The following UGT2A2 variants were observed in gnomAD, a reference collection of about 807,000 sequenced individuals.
The protein encoded by UGT2A2 is UDP glucuronosyltransferase family 2 member A2, also known as UDP-glucuronosyltransferase 2A2.
In UGT2A2, 60 loss-of-function variants were observed where a neutral mutation model predicts 50.7. The observed-to-expected ratio is 1.18, with a 90% CI of 0.96 to 1.47. UGT2A2 has a LOEUF of 1.47. Ranked by LOEUF, UGT2A2 falls within the 40% of genes most tolerant of loss-of-function variation. The pLI is 0.00. For synonymous variants in UGT2A2, 242 were observed against 214.6 expected (o/e 1.13, Z -1.11); for missense variants, 762 against 634.0 (o/e 1.20, Z -2.17).
At chr4:69,635,735 G>C in intron 1 of UGT2A2, 1 of 247,228 alleles carries the variant, frequency 4.0e-6, no homozygotes, top group Non-Finnish European at 8.3e-6. Flanking sequence ...GCTGAGGCGG[G>C]AGAATCGCTT....
intron 1 of UGT2A2, among the ~76,000 whole-genome samples, chr4:69,618,416 G>A (rs952798240): frequency 6.6e-6 from 1 of 151,894 alleles, no homozygotes; most frequent in African/African-American, 2.4e-5. Context: ...CAAGAGAAGA[G>A]ATTTAAAAAG....
intron 1 of UGT2A2, among the ~76,000 whole-genome samples, chr4:69,609,685 CACCTAT>C (rs61115115): frequency 0.4 from 59,931 of 151,398 alleles, 12,141 homozygotes; most frequent in African/African-American, 0.47. Flanking sequence ...CCTATACCCA[CACCTAT>C]ACCTATACCT....
chr4:69,639,094 A>T lies in UGT2A2; in HGVS notation c.547T>A (p.Ser183Thr). 1 of 1,613,468 alleles carries T rather than the reference A, an allele frequency of 6.2e-7. No individual in the cohort carries two copies. The highest frequency in any genetic ancestry group is 8.5e-7 in the Non-Finnish European group (1 of 1,179,684). The change falls in exon 1 of 6, where the codon TCT becomes ACT. Residue 183 changes from serine (S) to threonine (T), a missense_variant. Transcript: ENST00000604629. Reference protein sequence around the residue: ...GIPFMYTLRFSPASTVERHCG... With the variant: ...GIPFMYTLRFTPASTVERHCG... The stretch of plus-strand genomic sequence containing the variant: ...TGTCTCTCCACTGTTGATGCTGGAG[A>T]GAACCTCAATGTGTACATAAATGGA...
chr4:69,622,764 A>G (rs1390563739), intron 1 of UGT2A2, among the ~76,000 whole-genome samples: 1 of 151,838 alleles, frequency 6.6e-6, no homozygotes. Context: ...AAATCTTCAC[A>G]TGACCCATAG....
chr4:69,600,779 G>A (rs566344454), intron 1 of UGT2A2, among the ~76,000 whole-genome samples: 18 of 150,918 alleles, frequency 1.2e-4, no homozygotes, highest in Admixed American at 4.0e-4. Context: ...AGGAGCAAGA[G>A]AGAGAGTGAG....
chr4:69,622,244 A>T (rs28448316), intron 1 of UGT2A2, among the ~76,000 whole-genome samples: 53,301 of 151,622 alleles, frequency 0.35, 9,730 homozygotes, highest in African/African-American at 0.43. Context: ...AATACTTACC[A>T]AAACATATGT....
At position 69,610,015 on chromosome 4, in the gene UGT2A2, C is replaced by A. The variant is rs115830847; in HGVS notation, c.743-10621G>T. Among the ~76,000 whole-genome samples the A allele has an allele frequency of 4.3e-3, 648 of 152,128 alleles. 6 individuals carry two copies. The highest frequency in any genetic ancestry group is 0.013 in the African/African-American group (545 of 41,548). On this transcript the variant is annotated intron_variant, in intron 1 of 5. Transcript: ENST00000604629. The stretch of plus-strand genomic sequence containing the variant: ...GAGGAAATAACATATAACTAGCAGA[C>A]CTATAAAGTTTTTAAAGAGAATGTT...
At chr4:69,594,221 C>G (rs535315496) in intron 5 of UGT2A2, among the ~76,000 whole-genome samples, 52 of 152,024 alleles carry the variant, frequency 3.4e-4, no homozygotes, top group African/African-American at 1.3e-3. Flanking sequence ...TGATCTGCCA[C>G]CCTCAGCCTC....
At chr4:69,630,813 C>G (rs1721338943) in intron 1 of UGT2A2, among the ~76,000 whole-genome samples, 1 of 151,996 alleles carries the variant, frequency 6.6e-6, no homozygotes, top group African/African-American at 2.4e-5. Flanking sequence ...TCCTGATTTA[C>G]CAAGTCTCCA....
chr4:69,639,332 C>G lies in UGT2A2; in HGVS notation c.309G>C (p.Trp103Cys), dbSNP rs376044252. The change falls in exon 1 of 6, where the codon TGG (tryptophan) becomes TGC (cysteine). Residue 103 changes from tryptophan (W) to cysteine (C), a missense_variant. Coordinates refer to ENST00000604629, the MANE Select transcript of UGT2A2 (RefSeq NM_001105677.2). ...TGAGAGGAGTTGGTCTATGGTCAAT[C>G]CACAGCATTATCATATGCTCAATTA... ...DSLIEHMIMLWIDHRPTPLTI... is the reference protein window; with the variant it reads ...DSLIEHMIMLCIDHRPTPLTI... The G allele has an allele frequency of 5.6e-6, 9 of 1,613,532 alleles. No individual in the cohort carries two copies. The highest frequency in any genetic ancestry group is 1.3e-5 in the African/African-American group (1 of 74,878).
At chr4:69,611,521 G>A (rs150753410) in intron 1 of UGT2A2, among the ~76,000 whole-genome samples, 1 of 152,106 alleles carries the variant, frequency 6.6e-6, no homozygotes, top group African/African-American at 2.4e-5. Context: ...TAAATGAAGA[G>A]TAATGCTACA....
In UGT2A2 at chr4:69,589,652, C is replaced by A. The variant is rs1718478551; in HGVS notation, c.1332-1G>T. On this transcript the variant is annotated splice_acceptor_variant, in intron 5 of 5. Coordinates refer to ENST00000604629, the MANE Select transcript of UGT2A2 (RefSeq NM_001105677.2). LOFTEE classifies it high-confidence loss of function. Reference sequence around the variant, plus strand: ...TAACCTCATAGCATTCTCTTTATAACTAGAAGACAAATAAATAGGCAGAAA... The same window carrying A: ...TAACCTCATAGCATTCTCTTTATAAATAGAAGACAAATAAATAGGCAGAAA... The A allele has an allele frequency of 1.9e-6, 3 of 1,592,060 alleles. No individual in the cohort carries two copies. The highest frequency in any genetic ancestry group is 1.4e-5 in the African/African-American group (1 of 74,042).
intron 1 of UGT2A2, among the ~76,000 whole-genome samples, chr4:69,612,090 G>A (rs908674150): frequency 2.6e-5 from 4 of 152,030 alleles, no homozygotes; most frequent in African/African-American, 9.6e-5. Context: ...ACTGACACTA[G>A]CCTCAAAGCC....
intron 1 of UGT2A2, among the ~76,000 whole-genome samples, chr4:69,627,518 A>G (rs1013236296): frequency 2.8e-5 from 4 of 145,346 alleles, no homozygotes; most frequent in Non-Finnish European, 4.6e-5. Flanking sequence ...GAAAAGAAAG[A>G]AAGAAGAAAG....
chr4:69,629,343 C>T (rs1277897325), intron 1 of UGT2A2, among the ~76,000 whole-genome samples: 1 of 151,978 alleles, frequency 6.6e-6, no homozygotes, highest in African/African-American at 2.4e-5. Flanking sequence ...CCAAAAAAGA[C>T]TCATGTTCTT....
rs771280687 is a variant in UGT2A2 at position 69,589,403 on chromosome 4, C to T, written c.1580G>A (p.Gly527Asp). ...QCCLFSCQKFGKIGKKKKRE is the reference protein window; with the variant it reads ...QCCLFSCQKFDKIGKKKKRE ...TCTTTTTTTCTTCTTTCCTATCTTA[C>T]CAAATTTTTGACAGGAAAACAAACA... The change falls in exon 6 of 6, where the codon GGT (glycine) becomes GAT (aspartate). Residue 527 changes from glycine (G) to aspartate (D), a missense_variant. By Grantham distance (94) the Gly-to-Asp change is moderately conservative (BLOSUM62 -1). Coordinates refer to ENST00000604629, the MANE Select transcript of UGT2A2 (RefSeq NM_001105677.2). The T allele has an allele frequency of 8.1e-6, 13 of 1,613,110 alleles. No individual in the cohort carries two copies. Among genetic ancestry groups the T allele is most frequent in the South Asian group, 1.1e-5 (1 of 90,924 alleles).
rs150861593 is a variant in UGT2A2, at chr4:69,589,556, C to T, written c.1427G>A (p.Arg476His). The change falls in exon 6 of 6, where the codon CGC becomes CAC. Residue 476 changes from arginine to histidine, a missense_variant. By Grantham distance (29) the Arg-to-His change is conservative (BLOSUM62 0). Coordinates refer to ENST00000604629, the MANE Select transcript of UGT2A2 (RefSeq NM_001105677.2). ...CCGAAGGTGCTTGGCTCCTTTGTGGCGCATGACAAACTCGATCCAGAAGAC... is the reference window on the plus strand; with the variant it reads ...CCGAAGGTGCTTGGCTCCTTTGTGGTGCATGACAAACTCGATCCAGAAGAC... ...RAVFWIEFVM[R>H]HKGAKHLRVA... 3.1e-4 allele frequency: 507 copies of T among 1,614,010 alleles called. 1 individual carries two copies. Among genetic ancestry groups the T allele is most frequent in the Middle Eastern group, 2.0e-3 (12 of 6,056 alleles).
In UGT2A2 at chr4:69,589,291, C is replaced by A; in HGVS notation, c.*81G>T. 7.1e-7 allele frequency: 1 copy of A among 1,413,706 alleles called. No individual in the cohort carries two copies. Among genetic ancestry groups the A allele is most frequent in the Non-Finnish European group, 9.3e-7 (1 of 1,076,576 alleles). 87.6% of individuals were successfully genotyped at this position (1,413,706 alleles called of 1,614,324 possible). On this transcript the variant is annotated 3_prime_UTR_variant, in exon 6 of 6. Coordinates refer to ENST00000604629, the MANE Select transcript of UGT2A2 (RefSeq NM_001105677.2). ...TGGGAGACGTGTTTTTGTTAAACTCCTTTTGTCTGGAATTAATAGGACTAC... is the reference window on the plus strand; with the variant it reads ...TGGGAGACGTGTTTTTGTTAAACTCATTTTGTCTGGAATTAATAGGACTAC...
intron 1 of UGT2A2, among the ~76,000 whole-genome samples, chr4:69,608,272 G>T (rs1302815787): frequency 6.6e-6 from 1 of 152,030 alleles, no homozygotes. Context: ...CCTTTGCAGG[G>T]ACATGGATGA....
Sources: allele counts gnomAD v4.1 joint callset (sites outside exome capture counted in the v4.1 genomes callset), GRCh38; gene constraint gnomAD v4.1.1; transcripts MANE v1.5; gene names NCBI Gene and HGNC (gene_info 2026-07-23, HGNC 2026-07-21).